SPATA17: variants seen among roughly 807,000 people sequenced by gnomAD.
SPATA17 encodes spermatogenesis associated 17, also known as spermatogenesis-associated protein 17.
SPATA17 carries 53 observed loss-of-function variants against 62.2 expected under a neutral mutation model. The ratio of observed to expected loss-of-function variants is 0.85; its 90% confidence interval spans 0.68 to 1.07. The LOEUF (loss-of-function observed/expected upper bound fraction) is 1.07. Among genes scored for constraint, SPATA17 ranks in the 50% least tolerant of loss-of-function variants. The pLI is 0.00. For missense variants in SPATA17, 466 were observed against 425.5 expected (o/e 1.10, Z -0.84); for synonymous variants, 146 against 146.8 (o/e 0.99, Z 0.04).
At chr1:217,847,073 G>A (rs1675546258) in intron 9 of SPATA17, among the ~76,000 whole-genome samples, 1 of 151,864 alleles carries the variant, frequency 6.6e-6, no homozygotes, top group African/African-American at 2.4e-5. Flanking sequence ...TTTTCTCCTA[G>A]ATTGTGTGAC....
intron 9 of SPATA17, among the ~76,000 whole-genome samples, chr1:217,828,929 AG>A (rs1219305901): frequency 1.3e-5 from 2 of 152,190 alleles, no homozygotes; most frequent in Non-Finnish European, 2.9e-5. Context: ...GTTATCAAAA[AG>A]ATAAGAGATA....
intron 1 of SPATA17, among the ~76,000 whole-genome samples, chr1:217,637,113 G>A (rs1669960077): frequency 6.6e-6 from 1 of 152,030 alleles, no homozygotes; most frequent in Non-Finnish European, 1.5e-5. Flanking sequence ...GGAGTGCATG[G>A]GGATAGAGAA....
chr1:217,673,981 A>C (rs1164224567), intron 4 of SPATA17, among the ~76,000 whole-genome samples: 2 of 152,154 alleles, frequency 1.3e-5, no homozygotes, highest in African/African-American at 4.8e-5. Context: ...TCCAGGAAGA[A>C]GTCTCTCATT....
At chr1:217,797,168 G>A (rs978201767) in intron 8 of SPATA17, among the ~76,000 whole-genome samples, 6 of 151,988 alleles carry the variant, frequency 3.9e-5, no homozygotes, top group African/African-American at 1.5e-4. Context: ...CGGGTCATCT[G>A]ATAATGAGAT....
chr1:217,790,671 G>A (rs1479449242), intron 8 of SPATA17, among the ~76,000 whole-genome samples: 5 of 151,802 alleles, frequency 3.3e-5, no homozygotes, highest in African/African-American at 1.2e-4. Flanking sequence ...CTCGTGATCC[G>A]CCCGCCTCGG....
intron 6 of SPATA17, among the ~76,000 whole-genome samples, chr1:217,771,010 C>CTTTTTTTTTTTT (rs1673431947): frequency 2.4e-4 from 2 of 8,318 alleles, no homozygotes; most frequent in African/African-American, 3.8e-4. Context: ...TTTTTTTTTG[C>CTTTTTTTTTTTT]CTTTTGACGA....
intron 9 of SPATA17, among the ~76,000 whole-genome samples, chr1:217,827,251 T>C: frequency 6.6e-6 from 1 of 152,072 alleles, no homozygotes; most frequent in East Asian, 1.9e-4. Context: ...TATAAAACAT[T>C]AATGGAAGAA....
intron 6 of SPATA17, among the ~76,000 whole-genome samples, chr1:217,747,085 C>T (rs1055510539): frequency 6.6e-6 from 1 of 151,862 alleles, no homozygotes; most frequent in African/African-American, 2.4e-5. Context: ...AATCTTTGTC[C>T]CTGTAAAAGT....
chr1:217,814,201 G>C (rs865884822), intron 9 of SPATA17, among the ~76,000 whole-genome samples: 1 of 152,152 alleles, frequency 6.6e-6, no homozygotes, highest in Admixed American at 6.5e-5. Context: ...TTTCATTTAA[G>C]TGATGAACAA....
At chr1:217,793,965 A>G (rs1458957745) in intron 8 of SPATA17, among the ~76,000 whole-genome samples, 1 of 151,820 alleles carries the variant, frequency 6.6e-6, no homozygotes. Context: ...AAACGCAAAA[A>G]ATTAGTTGGG....
In SPATA17 at chr1:217,755,909, G is replaced by A. The variant is rs1209465701; in HGVS notation, c.519+13811G>A. On this transcript the variant is annotated intron_variant, in intron 6 of 10. Transcript: ENST00000366933. Reference sequence around the variant, plus strand: ...ATCAACCTCGTTTGCTATTATTTGAGTATTAAAATTTTTGAGTTTTCCTTG... The same window carrying A: ...ATCAACCTCGTTTGCTATTATTTGAATATTAAAATTTTTGAGTTTTCCTTG... Among the ~76,000 whole-genome samples the A allele has an allele frequency of 2.0e-5, 3 of 151,782 alleles. No homozygotes were observed. In the South Asian group the frequency reaches 6.2e-4, roughly 31 times the overall value.
intron 9 of SPATA17, among the ~76,000 whole-genome samples, chr1:217,823,725 G>A (rs895268978): frequency 6.6e-6 from 1 of 151,890 alleles, no homozygotes; most frequent in Non-Finnish European, 1.5e-5. Context: ...GTCTCCTGTT[G>A]TTATTGTATT....
At chr1:217,784,908 G>C (rs917746139) in intron 8 of SPATA17, 1 of 152,090 alleles carries the variant, frequency 6.6e-6, no homozygotes, top group African/African-American at 2.4e-5. Context: ...TTGTTTGCTA[G>C]GGCTGCCATA....
At chr1:217,794,587 A>G (rs1674089419) in intron 8 of SPATA17, among the ~76,000 whole-genome samples, 2 of 152,224 alleles carry the variant, frequency 1.3e-5, no homozygotes, top group African/African-American at 4.8e-5. Flanking sequence ...GTAATTAAAA[A>G]TGGCAATTAA....
Position 217,631,386 on chromosome 1 carries a change from C to T in SPATA17, c.8C>T (p.Thr3Met), listed in dbSNP as rs1459336601. The change falls in exon 1 of 11, where the codon ACG becomes ATG. Residue 3 changes from threonine (T) to methionine (M), a missense_variant. By Grantham distance (81) the Thr-to-Met change is moderately conservative. Coordinates refer to ENST00000366933, the MANE Select transcript of SPATA17 (RefSeq NM_138796.4). MA[T>M]LARLQARSST... ...ACCCAAGGCCAAGAGACCATGGCCA[C>T]GTTAGCCCGGCTGCAAGCTAGGTCG... 1 of 1,614,058 alleles carries T rather than the reference C, an allele frequency of 6.2e-7. No individual in the cohort carries two copies. The highest frequency in any genetic ancestry group is 8.5e-7 in the Non-Finnish European group (1 of 1,180,018).
chr1:217,651,997 A>G (rs1377706844), intron 3 of SPATA17, among the ~76,000 whole-genome samples: 3 of 152,212 alleles, frequency 2.0e-5, no homozygotes, highest in African/African-American at 7.2e-5. Flanking sequence ...AAGTTTTTAC[A>G]TTGGGCACAG....
At chr1:217,662,504 A>G (rs1331976007) in intron 3 of SPATA17, among the ~76,000 whole-genome samples, 1 of 152,192 alleles carries the variant, frequency 6.6e-6, no homozygotes, top group Non-Finnish European at 1.5e-5. Context: ...AACATTATAT[A>G]CTGATGAAAT....
In SPATA17 at chr1:217,821,787, A is replaced by C. The variant is rs771011575; in HGVS notation, c.1005+19937A>C. ...TTATATTAATTTGTCTTTTAAATTAATTTCCCAAAATTTCAGATTCAGAAG... is the reference window on the plus strand; with the variant it reads ...TTATATTAATTTGTCTTTTAAATTACTTTCCCAAAATTTCAGATTCAGAAG... On this transcript the variant is annotated intron_variant, in intron 9 of 10. Coordinates refer to ENST00000366933, the MANE Select transcript of SPATA17 (RefSeq NM_138796.4). Among the ~76,000 whole-genome samples the C allele has an allele frequency of 3.3e-5, 5 of 152,188 alleles. No homozygotes were observed. The East Asian group carries it at 5.8e-4, about 18-fold the overall frequency.
intron 7 of SPATA17, among the ~76,000 whole-genome samples, chr1:217,775,037 G>C (rs12135782): frequency 3.3e-5 from 5 of 152,054 alleles, no homozygotes; most frequent in African/African-American, 1.2e-4. Context: ...AGATTATATG[G>C]TAATTATATT....
Sources: allele counts gnomAD v4.1 joint callset (sites outside exome capture counted in the v4.1 genomes callset), GRCh38; gene constraint gnomAD v4.1.1; transcripts MANE v1.5; gene names NCBI Gene and HGNC (gene_info 2026-07-23, HGNC 2026-07-21).